ZSWIM8: variants seen among roughly 807,000 people sequenced by gnomAD.
The protein encoded by ZSWIM8 is zinc finger SWIM-type containing 8.
Under a neutral mutation model 173.7 loss-of-function variants are expected in ZSWIM8, and 27 were observed. The ratio of observed to expected loss-of-function variants is 0.16; its 90% confidence interval spans 0.11 to 0.21. ZSWIM8 has a LOEUF of 0.21. Ranked by LOEUF, ZSWIM8 falls within the 10% of genes least tolerant of loss-of-function variation. The pLI, the probability that ZSWIM8 is intolerant of heterozygous loss-of-function variation, is 1.00. For missense variants in ZSWIM8, 1,627 were observed against 2,428.8 expected, an observed-to-expected ratio of 0.67 and a Z score of 6.94; for synonymous variants, 958 against 962.0, an observed-to-expected ratio of 1.00 and a Z score of 0.08.
At position 73,800,590 on chromosome 10, in the gene ZSWIM8, G is replaced by T. The variant is rs2083895878; in HGVS notation, c.5003-50G>T. On this transcript the variant is annotated intron_variant, in intron 23 of 25. Coordinates refer to ENST00000604729, the MANE Select transcript of ZSWIM8 (RefSeq NM_001367799.1). This position sits in a 1 kb window ranked among gnomAD's most constrained non-coding sequence, Gnocchi z 4.1. ...GGGTCAGGTGACAGGTTGGGGTAAA[G>T]GGTGAAGAGGATACACCGTACCATG... The T allele has an allele frequency of 1.2e-6, 2 of 1,607,690 alleles. No individual in the cohort carries two copies. Among genetic ancestry groups the T allele is most frequent in the Non-Finnish European group, 1.7e-6 (2 of 1,176,130 alleles).
Position 73,785,720 on chromosome 10 carries a change from C to G in ZSWIM8, c.-159C>G. 1 of 769,050 alleles carries G rather than the reference C, an allele frequency of 1.3e-6. No individual in the cohort carries two copies. Among genetic ancestry groups the G allele is most frequent in the Non-Finnish European group, 2.2e-6 (1 of 456,970 alleles). 47.6% of individuals were successfully genotyped at this position (769,050 alleles called of 1,614,324 possible). ...GGCGAGGCCCGGTCCCGTCTCTTTC[C>G]CAGGCCTGAGATTCTCGCCCGGCAC... is the stretch of plus-strand genomic sequence containing the variant. On this transcript the variant is annotated 5_prime_UTR_variant, in exon 1 of 26. Coordinates refer to ENST00000604729, the MANE Select transcript of ZSWIM8 (RefSeq NM_001367799.1).
In ZSWIM8 at chr10:73,792,005, C is replaced by T; in HGVS notation, c.1466C>T (p.Ala489Val). Residue 489 changes from alanine to valine, a missense_variant, in exon 10 of 26, where the codon GCC becomes GTC. By Grantham distance (64) the Ala-to-Val change is moderately conservative. Transcript: ENST00000604729. The surrounding 1 kb of genome is among the most constrained non-coding windows in gnomAD (Gnocchi z 4.3). ...GCCTGCTACTTCAACTGGGAAGAGGCCTACCCACTTCCTGGTGTCACCTAC... is the reference window on the plus strand; with the variant it reads ...GCCTGCTACTTCAACTGGGAAGAGGTCTACCCACTTCCTGGTGTCACCTAC... Reference protein sequence around the residue: ...VEACYFNWEEAYPLPGVTYSG... With the variant: ...VEACYFNWEEVYPLPGVTYSG... 1 of 1,550,894 alleles carries T rather than the reference C, an allele frequency of 6.4e-7. No individual in the cohort carries two copies. The highest frequency in any genetic ancestry group is 8.7e-7 in the Non-Finnish European group (1 of 1,146,670).
intron 21 of ZSWIM8, 154 bp downstream of exon 21, chr10:73,799,644 A>T: frequency 9.2e-7 from 1 of 1,091,248 alleles, no homozygotes; most frequent in Non-Finnish European, 1.3e-6. Flanking sequence ...AAAATAAGAA[A>T]TGACGGCCGG....
chr10:73,788,109 T>C (rs1313137560), intron 1 of ZSWIM8, among the ~76,000 whole-genome samples: 3 of 151,866 alleles, frequency 2.0e-5, no homozygotes, highest in Non-Finnish European at 2.9e-5. Flanking sequence ...GGGTTTCCAG[T>C]GTGGGAAGTT....
chr10:73,797,304 G>T lies in ZSWIM8; in HGVS notation c.3433+33G>T, dbSNP rs2083712908. 1 of 1,613,206 alleles carries T rather than the reference G, an allele frequency of 6.2e-7. No individual in the cohort carries two copies. The highest frequency in any genetic ancestry group is 1.3e-5 in the African/African-American group (1 of 74,890). On this transcript the variant is annotated intron_variant, in intron 17 of 25. Transcript: ENST00000604729. This position sits in a 1 kb window ranked among gnomAD's most constrained non-coding sequence, Gnocchi z 5.6. ...AGCCTGTGGGCTAGCATAGAGGGAAGGATAATCCTGAAGGTTGGAGTCTTA... is the reference window on the plus strand; with the variant it reads ...AGCCTGTGGGCTAGCATAGAGGGAATGATAATCCTGAAGGTTGGAGTCTTA...
rs748428907 is a variant in ZSWIM8, at chr10:73,795,672, CTG to C, written c.3033+10_3033+11del. 12 of 1,610,108 alleles carry C rather than the reference CTG, an allele frequency of 7.5e-6. No homozygotes were observed. In the Admixed American group the frequency reaches 1.5e-4, roughly 20 times the overall value. ...AGGCCAAGCTTAAGAAGGTAAGAGACTGGGGCTGGGTGCGGTGGCTCATGCCT... is the reference window on the plus strand; with the variant it reads ...AGGCCAAGCTTAAGAAGGTAAGAGACGGGCTGGGTGCGGTGGCTCATGCCT... On this transcript the variant is annotated intron_variant, in intron 15 of 25. Transcript: ENST00000604729.
At chr10:73,786,362 G>C (rs1361028835) in intron 1 of ZSWIM8, 1 of 384,072 alleles carries the variant, frequency 2.6e-6, no homozygotes, top group Non-Finnish European at 4.6e-6. Context: ...GCGCGCGTGC[G>C]CGCGCTGTGA....
rs779596507 is a variant in ZSWIM8, at chr10:73,793,644, C to A, written c.2370C>A (p.Ser790=). Residue 790 remains serine (S), a synonymous_variant, in exon 11 of 26, where the codon TCC becomes TCA. Coordinates refer to ENST00000604729, the MANE Select transcript of ZSWIM8 (RefSeq NM_001367799.1). The stretch of plus-strand genomic sequence containing the variant: ...CGCATGGCTATAGCAGTGAGGCCTC[C>A]CGTCTCACTGTGGAGCTTGCCCAGG... The part of the protein sequence containing the change: ...LHAHGYSSEA[S]RLTVELAQDL... 4 of 1,613,586 alleles carry A rather than the reference C, an allele frequency of 2.5e-6. No individual in the cohort carries two copies. Among genetic ancestry groups the A allele is most frequent in the Non-Finnish European group, 3.4e-6 (4 of 1,179,618 alleles).
In ZSWIM8 at chr10:73,800,920, G is replaced by A. The variant is rs2083924891; in HGVS notation, c.5123-97G>A. 7.5e-7 allele frequency: 1 copy of A among 1,341,624 alleles called. No individual in the cohort carries two copies. The highest frequency in any genetic ancestry group is 1.0e-6 in the Non-Finnish European group (1 of 980,258). The allele number at this position is 1,341,624 out of a possible 1,614,324, so 83.1% of individuals were successfully genotyped here. On this transcript the variant is annotated intron_variant, in intron 24 of 25. Coordinates refer to ENST00000604729, the MANE Select transcript of ZSWIM8 (RefSeq NM_001367799.1). This position sits in a 1 kb window ranked among gnomAD's most constrained non-coding sequence, Gnocchi z 4.1. ...GGGTTACCTCAGCTCCTGGGGTGGA[G>A]GGAGGCTCTCTGCCAGGCCAGAGCT...
chr10:73,786,229 C>T (rs904000463), intron 1 of ZSWIM8, 143 bp downstream of exon 1: 1 of 971,906 alleles, frequency 1.0e-6, no homozygotes, highest in African/African-American at 1.7e-5. Flanking sequence ...CGGGAGCTGT[C>T]CCCGACTGGG....
Position 73,794,333 on chromosome 10 carries a change from A to T in ZSWIM8, c.2809+3A>T. On this transcript the variant is annotated splice_donor_region_variant and intron_variant, in intron 13 of 25. Coordinates refer to ENST00000604729, the MANE Select transcript of ZSWIM8 (RefSeq NM_001367799.1). ...CTTTGACGTTCTCTGTGCTCCAGGT[A>T]TGATGCCTGACCCTACAGTAAGTGG... is the stretch of plus-strand genomic sequence containing the variant. 6.2e-7 allele frequency: 1 copy of T among 1,613,450 alleles called. No homozygotes were observed. Among genetic ancestry groups the T allele is most frequent in the Non-Finnish European group, 8.5e-7 (1 of 1,179,618 alleles).
chr10:73,790,476 A>G (rs1275172799), intron 7 of ZSWIM8, among the ~76,000 whole-genome samples, 184 bp downstream of exon 7: 1 of 152,224 alleles, frequency 6.6e-6, no homozygotes, highest in Non-Finnish European at 1.5e-5. Flanking sequence ...ACAGTCACAG[A>G]GTGGTCTGCT....
chr10:73,796,564 G>A, intron 15 of ZSWIM8: 1 of 616,106 alleles, frequency 1.6e-6, no homozygotes, highest in East Asian at 2.8e-5. Flanking sequence ...TCTGCCCTGT[G>A]GTGTTAATGG....
intron 19 of ZSWIM8, 39 bp from the exon 20 acceptor site, chr10:73,798,191 A>G: frequency 6.2e-7 from 1 of 1,609,226 alleles, no homozygotes; most frequent in Non-Finnish European, 8.5e-7. Context: ...AGTGGTGCCC[A>G]CACTAACCCA....
rs753738015 is a variant in ZSWIM8 at position 73,800,794 on chromosome 10, C to G, written c.5122+35C>G. On this transcript the variant is annotated intron_variant, in intron 24 of 25. Transcript: ENST00000604729. This position sits in a 1 kb window ranked among gnomAD's most constrained non-coding sequence, Gnocchi z 4.1. ...CCCCTCCCTAGGACCATTGCCCCCCCCCCACCTGCTCTCCCCACCTTCCTT... is the reference window on the plus strand; with the variant it reads ...CCCCTCCCTAGGACCATTGCCCCCCGCCCACCTGCTCTCCCCACCTTCCTT... 1.8e-5 allele frequency: 27 copies of G among 1,478,518 alleles called. No homozygotes were observed. Among genetic ancestry groups the G allele is most frequent in the South Asian group, 1.4e-4 (11 of 77,392 alleles). The allele number at this position is 1,478,518 out of a possible 1,614,324, so 91.6% of individuals were successfully genotyped here.
rs1400142500 is a variant in ZSWIM8, at chr10:73,791,810, A to G, written c.1320-49A>G. The G allele has an allele frequency of 6.8e-7, 1 of 1,470,378 alleles. No homozygotes were observed. Among genetic ancestry groups the G allele is most frequent in the African/African-American group, 1.4e-5 (1 of 70,682 alleles). 91.1% of individuals were successfully genotyped at this position (1,470,378 alleles called of 1,614,324 possible). On this transcript the variant is annotated intron_variant, in intron 9 of 25. Transcript: ENST00000604729. This position sits in a 1 kb window ranked among gnomAD's most constrained non-coding sequence, Gnocchi z 6.0. ...TGGGGTGTACACCTACTCCATGCCC[A>G]TCCTTTCCCAGTAGCCCCTCAGCAG...
rs371374205 is a variant in ZSWIM8, at chr10:73,792,629, G to A, written c.2090G>A (p.Cys697Tyr). 9.3e-6 allele frequency: 15 copies of A among 1,613,904 alleles called. No homozygotes were observed. The highest frequency in any genetic ancestry group is 8.3e-5 in the Admixed American group (5 of 60,002). The change falls in exon 10 of 26, where the codon TGT becomes TAT. Residue 697 changes from cysteine to tyrosine, a missense_variant. Cys to Tyr is a radical substitution (Grantham distance 194, BLOSUM62 -2). Coordinates refer to ENST00000604729, the MANE Select transcript of ZSWIM8 (RefSeq NM_001367799.1). The surrounding 1 kb of genome is among the most constrained non-coding windows in gnomAD (Gnocchi z 4.3). ...CCTGGCCTACTGCCTGGGGATGTCT[G>A]TACCCAGGACGACCTCCCTTCTACA... Reference protein sequence around the residue: ...GPPGLLPGDVCTQDDLPSTDE... With the variant: ...GPPGLLPGDVYTQDDLPSTDE...
chr10:73,789,468 A>T lies in ZSWIM8; in HGVS notation c.559A>T (p.Ser187Cys). Reference sequence around the variant, plus strand: ...TGACCGCTGCCGGGTCACTTCCTGCAGCTGTACCTGTGGGGCTGGGGCCAA... The same window carrying T: ...TGACCGCTGCCGGGTCACTTCCTGCTGCTGTACCTGTGGGGCTGGGGCCAA... ...MFDRCRVTSC[S>C]CTCGAGAKWC... Residue 187 changes from serine (S) to cysteine (C), a missense_variant, in exon 4 of 26, where the codon AGC (serine) becomes TGC (cysteine). By Grantham distance (112) the Ser-to-Cys change is moderately radical. Around this residue, in one of 18 missense-constraint regions of ZSWIM8, gnomAD observed 39 missense variants for 154.0 expected, o/e 0.25. Coordinates refer to ENST00000604729, the MANE Select transcript of ZSWIM8 (RefSeq NM_001367799.1). This position sits in a 1 kb window ranked among gnomAD's most constrained non-coding sequence, Gnocchi z 6.8. 6.2e-7 allele frequency: 1 copy of T among 1,612,302 alleles called. No individual in the cohort carries two copies. The highest frequency in any genetic ancestry group is 8.5e-7 in the Non-Finnish European group (1 of 1,179,242).
intron 10 of ZSWIM8, among the ~76,000 whole-genome samples, 173 bp downstream of exon 10, chr10:73,793,025 T>C (rs146446764): frequency 6.6e-6 from 1 of 152,200 alleles, no homozygotes; most frequent in African/African-American, 2.4e-5. Context: ...CCACGAGATT[T>C]TCCTGAAATG....
Sources: allele counts gnomAD v4.1 joint callset (sites outside exome capture counted in the v4.1 genomes callset), GRCh38; gene constraint gnomAD v4.1.1; regional missense constraint gnomAD v4.1.1; non-coding constraint Gnocchi (gnomAD v3.1); transcripts MANE v1.5; gene names NCBI Gene and HGNC (gene_info 2026-07-23, HGNC 2026-07-21).